The following MSX1 variants were observed in gnomAD, a reference collection of about 807,000 sequenced individuals.
MSX1 encodes the protein msh homeobox 1, also known as homeobox protein MSX-1.
In MSX1, 11 loss-of-function variants were observed where a neutral mutation model predicts 17.0. The ratio of observed to expected loss-of-function variants is 0.65; its 90% CI spans 0.41 to 1.07. MSX1 has a LOEUF of 1.07. MSX1 is among the 50% of genes least tolerant of loss of function. MSX1 has a pLI of 0.00. For synonymous variants in MSX1, 253 were observed against 211.8 expected, an observed-to-expected ratio of 1.19 and a Z score of -1.69; for missense variants, 477 against 440.1, an observed-to-expected ratio of 1.08 and a Z score of -0.75.
chr4:4,863,005 C>G lies in MSX1; in HGVS notation c.774C>G (p.Gly258=). ...PAAFGLSFPL[G]GPAAVAAAAG... is the part of the protein sequence containing the mutation. ...CCTTCGGCCTCTCCTTCCCTCTCGG[C>G]GGCCCCGCAGCTGTAGCGGCCGCGG... The change falls in exon 2 of 2, where the codon GGC becomes GGG. Residue 258 remains glycine, a synonymous_variant. Coordinates refer to ENST00000382723, the MANE Select transcript of MSX1 (RefSeq NM_002448.3). 6.2e-7 allele frequency: 1 copy of G among 1,612,334 alleles called. No individual in the cohort carries two copies. The highest frequency in any genetic ancestry group is 1.3e-5 in the African/African-American group (1 of 75,064).
intron 1 of MSX1, among the ~76,000 whole-genome samples, chr4:4,861,890 A>G (rs1249913027): frequency 1.5e-5 from 1 of 66,694 alleles, no homozygotes; most frequent in African/African-American, 8.2e-5. Context: ...CCCCCGCAAC[A>G]ACATCAACAC....
intron 1 of MSX1, chr4:4,862,468 C>A: frequency 1.4e-6 from 1 of 700,072 alleles, no homozygotes; most frequent in Non-Finnish European, 2.6e-6. Context: ...GTATTTTTCT[C>A]CTGGAATCTT....
chr4:4,862,299 G>T (rs4075), intron 1 of MSX1: 109,449 of 367,588 alleles, frequency 0.3, 17,996 homozygotes, highest in East Asian at 0.6. Context: ...GCCTCTTTCT[G>T]CATGTTCGTC....
rs1340434662 is a variant in MSX1 at position 4,859,679 on chromosome 4, G to A, written c.-221G>A. On this transcript the variant is annotated 5_prime_UTR_variant, in exon 1 of 2. Transcript: ENST00000382723. The stretch of plus-strand genomic sequence containing the variant: ...GGAGCCGCGGTAGGGCCCGGAGCCG[G>A]CGAGTGCTCCCGGGAACTCTGCCTG... The A allele has an allele frequency of 5.2e-6, 1 of 192,584 alleles. No homozygotes were observed. Among genetic ancestry groups the A allele is most frequent in the African/African-American group, 2.4e-5 (1 of 42,332 alleles). The allele number at this position is 192,584 out of a possible 1,614,324, so 11.9% of individuals were successfully genotyped here.
chr4:4,860,398 A>AGGGGGCCGGGT, intron 1 of MSX1, 30 bp downstream of exon 1: 1 of 1,388,866 alleles, frequency 7.2e-7, no homozygotes, highest in Non-Finnish European at 1.0e-6. Flanking sequence ...GCGCAGAGGG[A>AGGGGGCCGGGT]GGGGGCCGGG....
Position 4,860,203 on chromosome 4 carries a change from T to C in MSX1, c.304T>C (p.Ser102Pro). The C allele has an allele frequency of 6.5e-7, 1 of 1,528,998 alleles. No individual in the cohort carries two copies. Among genetic ancestry groups the C allele is most frequent in the Non-Finnish European group, 8.7e-7 (1 of 1,145,488 alleles). 94.7% of individuals were successfully genotyped at this position (1,528,998 alleles called of 1,614,324 possible). Residue 102 changes from serine to proline, a missense_variant, in exon 1 of 2, where the codon TCG becomes CCG. Around this residue, in one of 3 missense-constraint regions of MSX1, gnomAD observed 355 missense variants for 306.1 expected, o/e 1.16. Coordinates refer to ENST00000382723, the MANE Select transcript of MSX1 (RefSeq NM_002448.3). ...GCAGCCACTGGGCGTCCCGCCGGGG[T>C]CGCTGGGAGCCCCGGACGCGCCCTC... is the stretch of plus-strand genomic sequence containing the variant. ...SAQPLGVPPGSLGAPDAPSSP... is the reference protein window; with the variant it reads ...SAQPLGVPPGPLGAPDAPSSP...
At position 4,860,117 on chromosome 4, in the gene MSX1, C is replaced by T. The variant is rs201156596; in HGVS notation, c.218C>T (p.Pro73Leu). Residue 73 changes from proline to leucine, a missense_variant, in exon 1 of 2, where the codon CCG (proline) becomes CTG (leucine). Pro to Leu is a moderately conservative substitution (Grantham distance 98). This residue lies in a region of MSX1 where 355 missense variants were observed against 306.1 expected (regional missense o/e 1.16). Coordinates refer to ENST00000382723, the MANE Select transcript of MSX1 (RefSeq NM_002448.3). ...VEALMADHRK[P>L]GAKESALAPS... Reference sequence around the variant, plus strand: ...GCGCTCATGGCCGACCACAGGAAGCCGGGGGCCAAGGAGAGCGCCCTGGCG... The same window carrying T: ...GCGCTCATGGCCGACCACAGGAAGCTGGGGGCCAAGGAGAGCGCCCTGGCG... 1,043 of 1,516,134 alleles carry T rather than the reference C, an allele frequency of 6.9e-4. 5 individuals are homozygous for T. In the African/African-American group the frequency reaches 0.013, roughly 19 times the overall value. The allele number at this position is 1,516,134 out of a possible 1,614,324, so 93.9% of individuals were successfully genotyped here.
At position 4,863,780 on chromosome 4, in the gene MSX1, A is replaced by AC. The variant is rs1419800554; in HGVS notation, c.*637_*638insC. 6.6e-6 allele frequency: 1 copy of AC among 151,760 alleles called. No individual in the cohort carries two copies. Among genetic ancestry groups the AC allele is most frequent in the African/African-American group, 2.4e-5 (1 of 41,144 alleles). 9.4% of individuals were successfully genotyped at this position (151,760 alleles called of 1,614,324 possible). A position where few individuals can be genotyped will look rare whatever the true frequency, so the allele number is the denominator to read the frequency against. On this transcript the variant is annotated 3_prime_UTR_variant, in exon 2 of 2. Coordinates refer to ENST00000382723, the MANE Select transcript of MSX1 (RefSeq NM_002448.3). ...ACACAATTGTAAAATTAAAAAAAAA[A>AC]AAAAACTCTTTCTATTTAACAGTAC...
chr4:4,862,380 C>A, intron 1 of MSX1: 1 of 518,806 alleles, frequency 1.9e-6, no homozygotes, highest in Admixed American at 2.8e-5. Flanking sequence ...CTTCCTAAGC[C>A]GCCGGGCAGC....
At position 4,863,453 on chromosome 4, in the gene MSX1, A is replaced by G. The variant is rs1737973278; in HGVS notation, c.*310A>G. Reference sequence around the variant, plus strand: ...GCAGAATTGACAGTTGAACAGAGCTAGAGGCCATGTCTCCTGCATAGCTTT... The same window carrying G: ...GCAGAATTGACAGTTGAACAGAGCTGGAGGCCATGTCTCCTGCATAGCTTT... On this transcript the variant is annotated 3_prime_UTR_variant, in exon 2 of 2. Transcript: ENST00000382723. 3.2e-6 allele frequency: 1 copy of G among 312,690 alleles called. No homozygotes were observed. Among genetic ancestry groups the G allele is most frequent in the Non-Finnish European group, 6.0e-6 (1 of 166,302 alleles). The allele number at this position is 312,690 out of a possible 1,614,324, so 19.4% of individuals were successfully genotyped here. A position where few individuals can be genotyped will look rare whatever the true frequency, so the allele number is the denominator to read the frequency against.
chr4:4,860,448 G>T, intron 1 of MSX1, 80 bp downstream of exon 1: 1 of 1,504,874 alleles, frequency 6.6e-7, no homozygotes. Flanking sequence ...GGCTCCTGGT[G>T]GCCTCCGGCG....
Position 4,863,170 on chromosome 4 carries a change from C to T in MSX1, c.*27C>T, listed in dbSNP as rs764321113. 5.1e-6 allele frequency: 8 copies of T among 1,569,796 alleles called. No individual in the cohort carries two copies. In the Admixed American group the frequency reaches 1.1e-4, roughly 21 times the overall value. On this transcript the variant is annotated 3_prime_UTR_variant, in exon 2 of 2. Coordinates refer to ENST00000382723, the MANE Select transcript of MSX1 (RefSeq NM_002448.3). Reference sequence around the variant, plus strand: ...GGGTCCCAGGTCGCCCACCTGTGGGCCAGCCGATTCCTCCAGCCCTGGTGC... The same window carrying T: ...GGGTCCCAGGTCGCCCACCTGTGGGTCAGCCGATTCCTCCAGCCCTGGTGC...
Position 4,860,184 on chromosome 4 carries a change from A to C in MSX1, c.285A>C (p.Pro95=). 1 of 1,515,886 alleles carries C rather than the reference A, an allele frequency of 6.6e-7. No individual in the cohort carries two copies. Among genetic ancestry groups the C allele is most frequent in the East Asian group, 2.6e-5 (1 of 38,838 alleles). The allele number at this position is 1,515,886 out of a possible 1,614,324, so 93.9% of individuals were successfully genotyped here. ...GVQAAGGSAQ[P]LGVPPGSLGA... is the part of the protein sequence containing the mutation. ...AGGCGGCGGGTGGCTCGGCGCAGCC[A>C]CTGGGCGTCCCGCCGGGGTCGCTGG... Residue 95 remains proline, a synonymous_variant, in exon 1 of 2, where the codon CCA becomes CCC. Coordinates refer to ENST00000382723, the MANE Select transcript of MSX1 (RefSeq NM_002448.3).
At chr4:4,862,475 T>C (rs765894583) in intron 1 of MSX1, 7 of 704,622 alleles carry the variant, frequency 9.9e-6, no homozygotes, top group Non-Finnish European at 1.0e-5. Flanking sequence ...TCTCCTGGAA[T>C]CTTAGTTTCT....
In MSX1 at chr4:4,860,212, G is replaced by C; in HGVS notation, c.313G>C (p.Ala105Pro). The change falls in exon 1 of 2, where the codon GCC becomes CCC. Residue 105 changes from alanine (A) to proline (P), a missense_variant. Transcript: ENST00000382723. ...GGGCGTCCCGCCGGGGTCGCTGGGA[G>C]CCCCGGACGCGCCCTCTTCGCCGCG... The part of the protein sequence containing the change: ...PLGVPPGSLG[A>P]PDAPSSPRPL... 6.5e-6 allele frequency: 10 copies of C among 1,548,296 alleles called. No homozygotes were observed. The highest frequency in any genetic ancestry group is 7.8e-6 in the Non-Finnish European group (9 of 1,155,136).
In MSX1 at chr4:4,863,089, G is replaced by T. The variant is rs1049609464; in HGVS notation, c.858G>T (p.Ala286=). The change falls in exon 2 of 2, where the codon GCG becomes GCT. Residue 286 remains alanine, a synonymous_variant. Coordinates refer to ENST00000382723, the MANE Select transcript of MSX1 (RefSeq NM_002448.3). ...TCCAGCGCGCCGCGCTGCCTGTGGC[G>T]CCCGTGGGACTCTACACGGCCCATG... ...GPFQRAALPV[A]PVGLYTAHVG... is the part of the protein sequence containing the mutation. The T allele has an allele frequency of 1.9e-6, 3 of 1,608,924 alleles. No homozygotes were observed. Among genetic ancestry groups the T allele is most frequent in the African/African-American group, 2.7e-5 (2 of 74,798 alleles).
In MSX1 at chr4:4,860,320, G is replaced by A. The variant is rs2108777772; in HGVS notation, c.421G>A (p.Glu141Lys). 2 of 1,604,162 alleles carry A rather than the reference G, an allele frequency of 1.2e-6. No homozygotes were observed. The highest frequency in any genetic ancestry group is 1.7e-6 in the Non-Finnish European group (2 of 1,179,652). The change falls in exon 1 of 2, where the codon GAG (glutamate) becomes AAG (lysine). Residue 141 changes from glutamate (E) to lysine (K), a missense_variant. Coordinates refer to ENST00000382723, the MANE Select transcript of MSX1 (RefSeq NM_002448.3). Reference protein sequence around the residue: ...LVKAESPEKPERTPWMQSPRF... With the variant: ...LVKAESPEKPKRTPWMQSPRF... ...CAAAGCCGAGAGCCCCGAGAAGCCC[G>A]AGAGGACCCCGTGGATGCAGAGCCC...
intron 1 of MSX1, 152 bp downstream of exon 1, chr4:4,860,520 C>T: frequency 1.0e-6 from 1 of 965,080 alleles, no homozygotes; most frequent in Admixed American, 2.3e-5. Context: ...TTGCGCCTCC[C>T]TCCACTCCCA....
rs1395473354 is a variant in MSX1 at position 4,863,171 on chromosome 4, C to G, written c.*28C>G. 1.9e-6 allele frequency: 3 copies of G among 1,569,796 alleles called. No individual in the cohort carries two copies. In the Admixed American group the frequency reaches 5.4e-5, roughly 28 times the overall value. On this transcript the variant is annotated 3_prime_UTR_variant, in exon 2 of 2. Transcript: ENST00000382723. Reference sequence around the variant, plus strand: ...GGTCCCAGGTCGCCCACCTGTGGGCCAGCCGATTCCTCCAGCCCTGGTGCT... The same window carrying G: ...GGTCCCAGGTCGCCCACCTGTGGGCGAGCCGATTCCTCCAGCCCTGGTGCT...
Sources: allele counts gnomAD v4.1 joint callset (sites outside exome capture counted in the v4.1 genomes callset), GRCh38; gene constraint gnomAD v4.1.1; regional missense constraint gnomAD v4.1.1; transcripts MANE v1.5; gene names NCBI Gene and HGNC (gene_info 2026-07-23, HGNC 2026-07-21).